Variants in NISCH observed in about 807,000 individuals in gnomAD.
NISCH encodes the protein nischarin, also known as I-1 receptor candidate protein.
Under a neutral mutation model 138.4 loss-of-function variants are expected in NISCH, and 55 were observed. That is an observed-to-expected ratio of 0.40 (90% CI 0.32 to 0.50). The LOEUF is 0.50. Among genes scored for constraint, NISCH ranks in the 20% least tolerant of loss-of-function variants. NISCH has a pLI of 0.71. For synonymous variants in NISCH, 860 were observed against 861.5 expected, an observed-to-expected ratio of 1.00 and a Z score of 0.03; for missense variants, 1,643 against 2,005.5, an observed-to-expected ratio of 0.82 and a Z score of 3.45.
In NISCH at chr3:52,479,785, C is replaced by T; in HGVS notation, c.1339C>T (p.Leu447=). The T allele has an allele frequency of 6.2e-7, 1 of 1,613,732 alleles. No individual in the cohort carries two copies. The highest frequency in any genetic ancestry group is 1.6e-4 in the Middle Eastern group (1 of 6,062). The stretch of plus-strand genomic sequence containing the variant: ...TGACACAGTGACCACAGAGAAGGAG[C>T]TGGACACTGTGGAAGTGCTGAAAGC... ...LDDTVTTEKE[L]DTVEVLKAIQ... The change falls in exon 12 of 21, where the codon CTG becomes TTG. Residue 447 remains leucine (L), a synonymous_variant. Coordinates refer to ENST00000345716, the MANE Select transcript of NISCH (RefSeq NM_007184.4).
intron 17 of NISCH, 112 bp downstream of exon 17, chr3:52,489,790 C>A: frequency 6.7e-7 from 1 of 1,483,498 alleles, no homozygotes; most frequent in Non-Finnish European, 8.9e-7. Flanking sequence ...TCGGAGTCCT[C>A]AGCTGAGCTG....
chr3:52,477,841 C>G, intron 9 of NISCH, 199 bp downstream of exon 9: 1 of 628,604 alleles, frequency 1.6e-6, no homozygotes, highest in South Asian at 1.9e-5. Context: ...TAAATACAAA[C>G]CAGGCATGAT....
At chr3:52,488,694 G>A (rs939726817) in intron 16 of NISCH, 89 bp downstream of exon 16, 69 of 1,162,440 alleles carry the variant, frequency 5.9e-5, no homozygotes, top group Non-Finnish European at 8.1e-5. Flanking sequence ...TGGGCTGGGA[G>A]TTGCTGCGAG....
intron 19 of NISCH, 58 bp from the exon 20 acceptor site, chr3:52,491,294 G>A: frequency 6.4e-6 from 10 of 1,558,748 alleles, no homozygotes; most frequent in East Asian, 2.3e-5. Context: ...GCTCTAAGGG[G>A]CAGGGATAGG....
rs778061746 is a variant in NISCH at position 52,476,534 on chromosome 3, A to G, written c.853A>G (p.Thr285Ala). The change falls in exon 8 of 21, where the codon ACT (threonine) becomes GCT (alanine). Residue 285 changes from threonine to alanine, a missense_variant. Transcript: ENST00000345716. The stretch of plus-strand genomic sequence containing the variant: ...AGGCCCTGTGACTGCCGTCATCCCC[A>G]CTTGGCAGGCATTGACCACGCTTGA... ...LEGPVTAVIP[T>A]WQALTTLDLS... is the part of the protein sequence containing the mutation. The G allele has an allele frequency of 6.2e-7, 1 of 1,614,080 alleles. No homozygotes were observed. The highest frequency in any genetic ancestry group is 8.5e-7 in the Non-Finnish European group (1 of 1,179,990).
At chr3:52,471,693 G>T in intron 4 of NISCH, 121 bp from the exon 5 acceptor site, 1 of 1,199,092 alleles carries the variant, frequency 8.3e-7, no homozygotes, top group Non-Finnish European at 1.2e-6. Context: ...CAGGGCGCTG[G>T]CTTTGCCCTG....
Position 52,492,816 on chromosome 3 carries a change from G to T in NISCH, c.*334G>T. 1 of 338,356 alleles carries T rather than the reference G, an allele frequency of 3.0e-6. No homozygotes were observed. The highest frequency in any genetic ancestry group is 4.9e-5 in the South Asian group (1 of 20,342). 21.0% of individuals were successfully genotyped at this position (338,356 alleles called of 1,614,324 possible). A position where few individuals can be genotyped will look rare whatever the true frequency, so the allele number is the denominator to read the frequency against. ...TACACGTCCTTTCCTGAAGTGTCGA[G>T]TCCAGTCCTTTGTTGCTGTTGCTGT... On this transcript the variant is annotated 3_prime_UTR_variant, in exon 21 of 21. Transcript: ENST00000345716.
intron 20 of NISCH, 136 bp from the exon 21 acceptor site, chr3:52,491,736 C>T: frequency 8.0e-7 from 1 of 1,244,570 alleles, no homozygotes; most frequent in Non-Finnish European, 1.1e-6. Context: ...GGCTCCTGGC[C>T]TGTGGGCCCC....
rs755406079 is a variant in NISCH at position 52,490,083 on chromosome 3, C to T, written c.3465C>T (p.Asn1155=). ...LFHSSIAEVE[N]EELRHLMWSS... is the part of the protein sequence containing the mutation. Reference sequence around the variant, plus strand: ...AGGCCCCCCGTCTTCAGGTTGAAAACGAGGAGCTGAGGCACCTCATGTGGT... The same window carrying T: ...AGGCCCCCCGTCTTCAGGTTGAAAATGAGGAGCTGAGGCACCTCATGTGGT... Residue 1155 remains asparagine, a synonymous_variant, in exon 18 of 21, where the codon AAC becomes AAT. Transcript: ENST00000345716. 14 of 1,613,422 alleles carry T rather than the reference C, an allele frequency of 8.7e-6. No homozygotes were observed. In the African/African-American group the frequency reaches 9.3e-5, roughly 11 times the overall value.
intron 14 of NISCH, 28 bp downstream of exon 14, chr3:52,484,665 C>T: frequency 6.2e-7 from 1 of 1,612,736 alleles, no homozygotes. Context: ...CTTCTGGGGA[C>T]CATACATCTG....
At chr3:52,471,737 G>A (rs924189934) in intron 4 of NISCH, 77 bp from the exon 5 acceptor site, 12 of 1,409,426 alleles carry the variant, frequency 8.5e-6, no homozygotes, top group Admixed American at 2.2e-5. Context: ...CTTGTTGACA[G>A]AAAAGGTGGA....
chr3:52,464,603 C>T (rs576663353), intron 3 of NISCH, among the ~76,000 whole-genome samples: 2 of 133,800 alleles, frequency 1.5e-5, no homozygotes, highest in African/African-American at 5.6e-5. Flanking sequence ...CGACTCACTG[C>T]AACCTCCACC....
In NISCH at chr3:52,491,859, C is replaced by T. The variant is rs1297605986; in HGVS notation, c.3905-13C>T. Reference sequence around the variant, plus strand: ...CGGTTCCAGGCTATAGCCCAGGTGGCATCTCTCTGCAGGGAAGATGGAGAA... The same window carrying T: ...CGGTTCCAGGCTATAGCCCAGGTGGTATCTCTCTGCAGGGAAGATGGAGAA... On this transcript the variant is annotated splice_polypyrimidine_tract_variant and intron_variant, in intron 20 of 20. Coordinates refer to ENST00000345716, the MANE Select transcript of NISCH (RefSeq NM_007184.4). 1 of 1,571,224 alleles carries T rather than the reference C, an allele frequency of 6.4e-7. No homozygotes were observed. The highest frequency in any genetic ancestry group is 1.7e-5 in the Admixed American group (1 of 57,144).
intron 14 of NISCH, among the ~76,000 whole-genome samples, 169 bp from the exon 15 acceptor site, chr3:52,485,609 A>G (rs1411723934): frequency 6.6e-6 from 1 of 152,044 alleles, no homozygotes; most frequent in African/African-American, 2.4e-5. Flanking sequence ...CTTGGGTCCC[A>G]GAGTGGGCCC....
chr3:52,474,588 G>A (rs1335970151), intron 7 of NISCH, among the ~76,000 whole-genome samples: 2 of 151,548 alleles, frequency 1.3e-5, no homozygotes, highest in South Asian at 2.1e-4. Flanking sequence ...GAGCCACCGC[G>A]CCCGGCCTAG....
Position 52,473,724 on chromosome 3 carries a change from T to C in NISCH, c.670-10T>C. 1.3e-6 allele frequency: 2 copies of C among 1,573,148 alleles called. No individual in the cohort carries two copies. Among genetic ancestry groups the C allele is most frequent in the Non-Finnish European group, 1.7e-6 (2 of 1,147,178 alleles). ...TTCTGTTTCTGAGATGCAGCTGTTC[T>C]TTGTTCCAGATAAGTCACTGTGATG... On this transcript the variant is annotated splice_polypyrimidine_tract_variant and intron_variant, in intron 6 of 20. Transcript: ENST00000345716.
In NISCH at chr3:52,455,647, G is replaced by A; in HGVS notation, c.6G>A (p.Ala2=). 1 of 1,340,540 alleles carries A rather than the reference G, an allele frequency of 7.5e-7. No individual in the cohort carries two copies. 83.0% of individuals were successfully genotyped at this position (1,340,540 alleles called of 1,614,324 possible). The part of the protein sequence containing the change: M[A]TARTFGPERE... ...GTGGCGGCGGAGACCCGAACATGGCGACCGCGCGCACCTTCGGGCCCGAGC... is the reference window on the plus strand; with the variant it reads ...GTGGCGGCGGAGACCCGAACATGGCAACCGCGCGCACCTTCGGGCCCGAGC... The change falls in exon 1 of 21, where the codon GCG becomes GCA. Residue 2 remains alanine, a synonymous_variant. Transcript: ENST00000345716.
chr3:52,481,905 G>C, intron 13 of NISCH: 1 of 985,494 alleles, frequency 1.0e-6, no homozygotes, highest in South Asian at 4.7e-5. Context: ...AACTGCAGTG[G>C]ATGTCTTTGT....
At chr3:52,482,139 T>C (rs1298637855) in intron 13 of NISCH, among the ~76,000 whole-genome samples, 4 of 152,196 alleles carry the variant, frequency 2.6e-5, no homozygotes, top group African/African-American at 7.2e-5. Flanking sequence ...TTTTTCTCAC[T>C]GATTTGGAGG....
Sources: allele counts gnomAD v4.1 joint callset (sites outside exome capture counted in the v4.1 genomes callset), GRCh38; gene constraint gnomAD v4.1.1; transcripts MANE v1.5; gene names NCBI Gene and HGNC (gene_info 2026-07-23, HGNC 2026-07-21).